MELK: variants seen among roughly 807,000 people sequenced by gnomAD.
MELK encodes pEg3 kinase.
In MELK, 81 loss-of-function variants were observed where a neutral mutation model predicts 85.0. The ratio of observed to expected loss-of-function variants is 0.95; its 90% confidence interval spans 0.80 to 1.15. The LOEUF is 1.15. Ranked by LOEUF, MELK falls within the 50% of genes most tolerant of loss-of-function variation. The pLI is 0.00. For missense variants in MELK, 754 were observed against 777.5 expected (o/e 0.97, Z 0.36); for synonymous variants, 252 against 265.0 (o/e 0.95, Z 0.48).
At chr9:36,664,678 C>T (rs188835462) in intron 13 of MELK, among the ~76,000 whole-genome samples, 16 of 152,272 alleles carry the variant, frequency 1.1e-4, no homozygotes, top group African/African-American at 3.4e-4. Context: ...TTAACTCAGC[C>T]TTTAATTTTA....
At chr9:36,644,347 G>T (rs941740096) in intron 11 of MELK, among the ~76,000 whole-genome samples, 1 of 152,060 alleles carries the variant, frequency 6.6e-6, no homozygotes, top group African/African-American at 2.4e-5. Flanking sequence ...TCTATCACCT[G>T]TGATTTATGT....
At chr9:36,581,986 G>A (rs1331467097) in intron 2 of MELK, among the ~76,000 whole-genome samples, 5 of 141,366 alleles carry the variant, frequency 3.5e-5, no homozygotes, top group African/African-American at 1.3e-4. Context: ...TTTTTTTTTT[G>A]AGACGGAGTC....
At chr9:36,676,657 A>G (rs1485168914) in intron 17 of MELK, among the ~76,000 whole-genome samples, 1 of 152,194 alleles carries the variant, frequency 6.6e-6, no homozygotes, top group African/African-American at 2.4e-5. Context: ...GTTATCTCTC[A>G]TTACTAATTA....
intron 1 of MELK, among the ~76,000 whole-genome samples, chr9:36,580,078 C>T (rs764569256): frequency 2.9e-4 from 41 of 141,090 alleles, no homozygotes; most frequent in Admixed American, 1.6e-3. Context: ...GACAGAATCT[C>T]GCTCCGTTGC....
At chr9:36,608,030 C>T (rs1196418262) in intron 8 of MELK, among the ~76,000 whole-genome samples, 1 of 151,996 alleles carries the variant, frequency 6.6e-6, no homozygotes, top group African/African-American at 2.4e-5. Flanking sequence ...CCTGTAATCC[C>T]AGCACTTTGG....
chr9:36,647,384 T>C (rs1830304869), intron 11 of MELK, among the ~76,000 whole-genome samples: 1 of 152,220 alleles, frequency 6.6e-6, no homozygotes, highest in South Asian at 2.1e-4. Flanking sequence ...AAGTCTTTAA[T>C]GTAGTTTTTG....
chr9:36,645,021 C>T (rs1438821952), intron 11 of MELK, among the ~76,000 whole-genome samples: 1 of 152,026 alleles, frequency 6.6e-6, no homozygotes, highest in Non-Finnish European at 1.5e-5. Flanking sequence ...GTAATGTCAG[C>T]ACTTTGGGAG....
intron 11 of MELK, among the ~76,000 whole-genome samples, chr9:36,650,455 A>ATT (rs1830603885): frequency 6.6e-6 from 1 of 152,138 alleles, no homozygotes; most frequent in East Asian, 1.9e-4. Flanking sequence ...TTCATACAAA[A>ATT]AGGCTGGAGA....
At chr9:36,657,441 G>C (rs1194490083) in intron 13 of MELK, 78 bp downstream of exon 13, 3 of 1,455,344 alleles carry the variant, frequency 2.1e-6, no homozygotes, top group Non-Finnish European at 2.8e-6. Context: ...GTGAAACCAA[G>C]GTGTGCTTGC....
At chr9:36,629,345 A>T (rs757809823) in intron 8 of MELK, among the ~76,000 whole-genome samples, 4 of 152,146 alleles carry the variant, frequency 2.6e-5, no homozygotes, top group Non-Finnish European at 4.4e-5. Flanking sequence ...TGTGTGTGGT[A>T]AGTGTGTAAA....
intron 13 of MELK, among the ~76,000 whole-genome samples, chr9:36,661,217 G>A (rs1168482797): frequency 6.6e-6 from 1 of 152,118 alleles, no homozygotes; most frequent in African/African-American, 2.4e-5. Flanking sequence ...AATGGGGATA[G>A]GTAGGGCAAA....
At chr9:36,672,500 A>G (rs1832974182) in intron 16 of MELK, among the ~76,000 whole-genome samples, 1 of 152,206 alleles carries the variant, frequency 6.6e-6, no homozygotes, top group Admixed American at 6.5e-5. Context: ...TGCATTTTTC[A>G]ATAGAAACTA....
chr9:36,592,438 A>G (rs1349094703), intron 4 of MELK, among the ~76,000 whole-genome samples: 1 of 152,078 alleles, frequency 6.6e-6, no homozygotes, highest in East Asian at 1.9e-4. Flanking sequence ...AGCCTCCCAA[A>G]GTGCTCGGGA....
intron 8 of MELK, among the ~76,000 whole-genome samples, chr9:36,616,235 T>G (rs1044031812): frequency 2.0e-5 from 3 of 152,162 alleles, no homozygotes; most frequent in African/African-American, 7.2e-5. Flanking sequence ...CATATATAGA[T>G]TCATATAACC....
At chr9:36,668,148 A>G (rs2137982895) in intron 14 of MELK, among the ~76,000 whole-genome samples, 1 of 152,296 alleles carries the variant, frequency 6.6e-6, no homozygotes, top group South Asian at 2.1e-4. Flanking sequence ...CAATGCAGGC[A>G]TTGGCAGTTT....
chr9:36,593,723 A>C (rs543467245), intron 4 of MELK, among the ~76,000 whole-genome samples: 1 of 152,230 alleles, frequency 6.6e-6, no homozygotes, highest in East Asian at 1.9e-4. Flanking sequence ...ACGAAGTCTC[A>C]CTTTGTCACC....
chr9:36,630,390 A>G (rs201387158), intron 9 of MELK, 23 bp downstream of exon 9: 353 of 1,559,608 alleles, frequency 2.3e-4, no homozygotes, highest in Non-Finnish European at 3.0e-4. Context: ...TTTAAATAAT[A>G]GAAGTCTATT....
chr9:36,627,439 C>T (rs1163070697), intron 8 of MELK, among the ~76,000 whole-genome samples: 1 of 151,354 alleles, frequency 6.6e-6, no homozygotes, highest in African/African-American at 2.4e-5. Context: ...TTTCATTTTA[C>T]AAATGACTTT....
rs1315054418 is a variant in MELK at position 36,642,958 on chromosome 9, T to C, written c.835-39T>C. ...AATGTGAAAACATTGAATATATTTGTAATTTTTTGTTAATAAAGTGCATAA... is the reference window on the plus strand; with the variant it reads ...AATGTGAAAACATTGAATATATTTGCAATTTTTTGTTAATAAAGTGCATAA... On this transcript the variant is annotated intron_variant, in intron 10 of 17. Coordinates refer to ENST00000298048, the MANE Select transcript of MELK (RefSeq NM_014791.4). 2.8e-6 allele frequency: 4 copies of C among 1,436,916 alleles called. No homozygotes were observed. The Admixed American group carries it at 7.4e-5, about 27-fold the overall frequency. The allele number at this position is 1,436,916 out of a possible 1,614,324, so 89.0% of individuals were successfully genotyped here.
Sources: gnomAD v4.1 joint callset for allele counts (sites outside exome capture counted in the v4.1 genomes callset) on GRCh38, gnomAD v4.1.1 for gene constraint, MANE v1.5 for transcripts, NCBI Gene and HGNC (gene_info 2026-07-23, HGNC 2026-07-21) for gene names.